Variants in CES1 observed in about 807,000 individuals in gnomAD.
CES1 encodes the protein liver carboxylesterase 1.
In CES1, 50 loss-of-function variants were observed where a neutral mutation model predicts 53.0. That is an observed-to-expected ratio of 0.94 (90% confidence interval 0.75 to 1.19). The LOEUF (loss-of-function observed/expected upper bound fraction) is 1.19. CES1 is among the 50% of genes most tolerant of loss of function. CES1 has a pLI of 0.00. For synonymous variants in CES1, 202 were observed against 210.1 expected (o/e 0.96, Z 0.33); for missense variants, 534 against 538.0 (o/e 0.99, Z 0.07).
chr16:55,809,340 G>C lies in CES1; in HGVS notation c.1318+1177C>G, dbSNP rs8192948. The stretch of plus-strand genomic sequence containing the variant: ...AGCACCTGCCCCTTCCTGTGCAAAG[G>C]TGTGTCAGGGCACCTGCTAGTTAAG... On this transcript the variant is annotated intron_variant, in intron 11 of 13. Transcript: ENST00000360526. Among the ~76,000 whole-genome samples the C allele has an allele frequency of 8.9e-3, 1,351 of 152,266 alleles. 30 individuals carry two copies. In the East Asian group the frequency reaches 0.1, roughly 12 times the overall value.
chr16:55,814,829 G>T (rs2031863306), intron 8 of CES1, among the ~76,000 whole-genome samples: 1 of 152,248 alleles, frequency 6.6e-6, no homozygotes, highest in African/African-American at 2.4e-5. Context: ...GTTCTGAAAA[G>T]TGGACCAGAC....
chr16:55,814,958 A>G (rs1363677724), intron 8 of CES1, among the ~76,000 whole-genome samples: 2 of 152,244 alleles, frequency 1.3e-5, no homozygotes, highest in Non-Finnish European at 2.9e-5. Flanking sequence ...GTGGGAGGCC[A>G]GCAAGAGGAG....
intron 4 of CES1, among the ~76,000 whole-genome samples, chr16:55,821,888 C>T (rs1398681772): frequency 1.3e-5 from 2 of 152,170 alleles, no homozygotes; most frequent in East Asian, 1.9e-4. Flanking sequence ...GAGGTAAATA[C>T]AATGGAGTAA....
intron 7 of CES1, among the ~76,000 whole-genome samples, chr16:55,817,852 T>C (rs1193753940): frequency 6.6e-6 from 1 of 152,132 alleles, no homozygotes; most frequent in African/African-American, 2.4e-5. Context: ...TCAGAAAAAC[T>C]CAAAAGAATG....
chr16:55,816,091 T>C (rs2031931279), intron 8 of CES1, among the ~76,000 whole-genome samples: 1 of 152,280 alleles, frequency 6.6e-6, no homozygotes, highest in African/African-American at 2.4e-5. Context: ...AAATGCCACC[T>C]TCTCATTGAA....
At chr16:55,822,868 G>A (rs1425423346) in intron 4 of CES1, among the ~76,000 whole-genome samples, 1 of 152,124 alleles carries the variant, frequency 6.6e-6, no homozygotes, top group Non-Finnish European at 1.5e-5. Flanking sequence ...GACCAACTGA[G>A]TGGCGTGTTC....
intron 8 of CES1, among the ~76,000 whole-genome samples, chr16:55,814,393 G>A (rs141022618): frequency 6.5e-4 from 99 of 152,284 alleles, no homozygotes; most frequent in Middle Eastern, 6.8e-3. Context: ...ACGATAGAGC[G>A]TGGATGTTGC....
At chr16:55,814,838 A>G (rs2031864065) in intron 8 of CES1, among the ~76,000 whole-genome samples, 1 of 152,234 alleles carries the variant, frequency 6.6e-6, no homozygotes, top group Admixed American at 6.5e-5. Context: ...AGTGGACCAG[A>G]CCTAGCTGGA....
chr16:55,826,374 G>C, intron 2 of CES1, 79 bp from the exon 3 acceptor site: 2 of 1,544,888 alleles, frequency 1.3e-6, no homozygotes, highest in Non-Finnish European at 1.8e-6. Flanking sequence ...CCTTGGACTG[G>C]GAGGTTTAAG....
chr16:55,830,781 G>GGAAA (rs1282891634), intron 1 of CES1, among the ~76,000 whole-genome samples: 4 of 112,716 alleles, frequency 3.5e-5, no homozygotes, highest in African/African-American at 1.4e-4. Context: ...AAAGAAGGAA[G>GGAAA]GAAGGAAGGA....
intron 2 of CES1, among the ~76,000 whole-genome samples, chr16:55,827,482 G>A (rs28433796): frequency 4.8e-4 from 73 of 152,080 alleles, no homozygotes; most frequent in African/African-American, 1.4e-3. Flanking sequence ...ATGTTCATAC[G>A]TCAATGGGAG....
rs868424011 is a variant in CES1, at chr16:55,809,289, G to T, written c.1318+1228C>A. 4.6e-5 allele frequency among the ~76,000 whole-genome samples: 7 copies of T among 152,304 alleles called. No individual in the cohort carries two copies. In the South Asian group the frequency reaches 1.2e-3, roughly 27 times the overall value. ...GGTCTTGGTTAAAGGTTTTTATCAG[G>T]ACCCTGTGAAGAAATGAGGGTTATG... On this transcript the variant is annotated intron_variant, in intron 11 of 13. Transcript: ENST00000360526.
Position 55,821,538 on chromosome 16 carries a change from A to C in CES1, c.540-17T>G. The C allele has an allele frequency of 1.2e-6, 2 of 1,614,098 alleles. No homozygotes were observed. The highest frequency in any genetic ancestry group is 1.7e-6 in the Non-Finnish European group (2 of 1,179,998). On this transcript the variant is annotated splice_polypyrimidine_tract_variant and intron_variant, in intron 4 of 13. Transcript: ENST00000360526. ...TCCCCTGTGCTGTGAGGAAGAGAAC[A>C]GGTTGAGGGTGGGGAGCAGAGATGT...
At chr16:55,832,775 T>C (rs2032733764) in intron 1 of CES1, among the ~76,000 whole-genome samples, 1 of 152,220 alleles carries the variant, frequency 6.6e-6, no homozygotes, top group Admixed American at 6.5e-5. Flanking sequence ...TCGGCCTGCA[T>C]TTGGGCGAGC....
At position 55,808,754 on chromosome 16, in the gene CES1, T is replaced by C. The variant is rs1229435873; in HGVS notation, c.1318+1763A>G. Among the ~76,000 whole-genome samples the C allele has an allele frequency of 2.6e-5, 4 of 152,174 alleles. No individual in the cohort carries two copies. The East Asian group carries it at 7.7e-4, about 29-fold the overall frequency. On this transcript the variant is annotated intron_variant, in intron 11 of 13. Transcript: ENST00000360526. ...AATAGGATATGAATATTAAAGTCTA[T>C]TTAACACAGCCATTTCATGGAATAA...
Position 55,830,819 on chromosome 16 carries a change from A to AAGGAAGGAAGGAAGGAAGGC in CES1, c.53-1846_53-1845insGCCTTCCTTCCTTCCTTCCT, listed in dbSNP as rs1454708070. Among the ~76,000 whole-genome samples the AAGGAAGGAAGGAAGGAAGGC allele has an allele frequency of 2.9e-3, 372 of 127,210 alleles. 1 individual carries two copies. Among genetic ancestry groups the AAGGAAGGAAGGAAGGAAGGC allele is most frequent in the African/African-American group, 5.0e-3 (144 of 28,708 alleles). 83.5% of individuals were successfully genotyped at this position (127,210 alleles called of 152,430 possible). A position where few individuals can be genotyped will look rare whatever the true frequency, so the allele number is the denominator to read the frequency against. On this transcript the variant is annotated intron_variant, in intron 1 of 13. Coordinates refer to ENST00000360526, the MANE Select transcript of CES1 (RefSeq NM_001025195.2). ...GAAGGAAGGAAGGAAGGAAGGAAGGAAGGCAGGCAGGCAGGCAGGCAGGCA... is the reference window on the plus strand; with the variant it reads ...GAAGGAAGGAAGGAAGGAAGGAAGGAAGGAAGGAAGGAAGGAAGGCAGGCAGGCAGGCAGGCAGGCAGGCA...
chr16:55,822,670 C>T (rs2032246749), intron 4 of CES1, among the ~76,000 whole-genome samples: 1 of 152,006 alleles, frequency 6.6e-6, no homozygotes. Flanking sequence ...TGGCTGCTCC[C>T]TGGGATCACT....
chr16:55,829,082 A>G (rs573533484), intron 1 of CES1, 108 bp from the exon 2 acceptor site: 1 of 1,205,100 alleles, frequency 8.3e-7, no homozygotes, highest in East Asian at 2.5e-5. Context: ...AGTCACCTAA[A>G]CCCTCTAGGC....
intron 2 of CES1, chr16:55,827,969 T>C (rs1337453061): frequency 1.3e-5 from 2 of 152,272 alleles, no homozygotes; most frequent in Non-Finnish European, 2.9e-5. Context: ...CCTTTCTCTG[T>C]ATTTCCTAAA....
Sources: allele counts gnomAD v4.1 joint callset (sites outside exome capture counted in the v4.1 genomes callset), GRCh38; gene constraint gnomAD v4.1.1; transcripts MANE v1.5; gene names NCBI Gene and HGNC (gene_info 2026-07-23, HGNC 2026-07-21).